SIPA1L1: variants seen among roughly 807,000 people sequenced by gnomAD.
SIPA1L1 encodes the protein signal induced proliferation associated 1 like 1.
Under a neutral mutation model 162.7 loss-of-function variants are expected in SIPA1L1, and 26 were observed. That is an observed-to-expected ratio of 0.16 (90% CI 0.12 to 0.22). SIPA1L1 has a LOEUF of 0.22. Ranked by LOEUF, SIPA1L1 falls within the 10% of genes least tolerant of loss-of-function variation. The pLI, the probability that SIPA1L1 is intolerant of heterozygous loss-of-function variation, is 1.00. For synonymous variants in SIPA1L1, 829 were observed against 837.4 expected (o/e 0.99, Z 0.17); for missense variants, 1,874 against 2,241.0 (o/e 0.84, Z 3.31).
intron 2 of SIPA1L1, among the ~76,000 whole-genome samples, chr14:71,492,887 A>G (rs940602803): frequency 9.2e-5 from 14 of 151,988 alleles, no homozygotes; most frequent in African/African-American, 3.1e-4. Flanking sequence ...TGGCCTCCCA[A>G]AGTGCTGGGA....
intron 7 of SIPA1L1, among the ~76,000 whole-genome samples, chr14:71,634,012 T>G (rs2040858551): frequency 6.8e-6 from 1 of 146,138 alleles, no homozygotes; most frequent in African/African-American, 2.5e-5. Context: ...TCCAAAGAAG[T>G]CCACAGCAAG....
At chr14:71,654,773 CCTT>C (rs2149142385) in intron 8 of SIPA1L1, among the ~76,000 whole-genome samples, 1 of 152,290 alleles carries the variant, frequency 6.6e-6, no homozygotes, top group East Asian at 1.9e-4. Flanking sequence ...CTTTCATCCT[CCTT>C]CTACAAGCAC....
At chr14:71,359,450 T>C (rs1413949796) in intron 2 of SIPA1L1, among the ~76,000 whole-genome samples, 1 of 152,214 alleles carries the variant, frequency 6.6e-6, no homozygotes, top group Non-Finnish European at 1.5e-5. Flanking sequence ...ATAATTTGTC[T>C]ATTATGGTTT....
intron 13 of SIPA1L1, among the ~76,000 whole-genome samples, chr14:71,685,843 C>G (rs1369360396): frequency 6.6e-6 from 1 of 152,198 alleles, no homozygotes; most frequent in East Asian, 1.9e-4. Context: ...CAGCTCTGCA[C>G]ACTGGTATTT....
intron 2 of SIPA1L1, among the ~76,000 whole-genome samples, chr14:71,410,728 G>T (rs2042344899): frequency 6.6e-6 from 1 of 152,108 alleles, no homozygotes. Flanking sequence ...GATGAAGATG[G>T]TTCTAGTTCA....
intron 4 of SIPA1L1, among the ~76,000 whole-genome samples, chr14:71,585,831 A>G (rs1567246423): frequency 6.6e-6 from 1 of 152,196 alleles, no homozygotes; most frequent in Non-Finnish European, 1.5e-5. Flanking sequence ...GAGATGTTGA[A>G]CAGGTGTTTG....
At position 71,724,652 on chromosome 14, in the gene SIPA1L1, CT is replaced by C. The variant is rs759617709; in HGVS notation, c.4449-16del. On this transcript the variant is annotated splice_polypyrimidine_tract_variant and intron_variant, in intron 18 of 23. Transcript: ENST00000381232. ...CTTGTTGAGTTGGTATCTATCATCT[CT>C]TCCCTTTTTTGTCCAGGCGTCATCA... The C allele has an allele frequency of 1.2e-5, 19 of 1,606,488 alleles. No homozygotes were observed. Among genetic ancestry groups the C allele is most frequent in the Admixed American group, 5.2e-5 (3 of 58,236 alleles).
intron 16 of SIPA1L1, among the ~76,000 whole-genome samples, chr14:71,705,699 G>A (rs977208885): frequency 6.6e-6 from 1 of 151,806 alleles, no homozygotes; most frequent in Non-Finnish European, 1.5e-5. Flanking sequence ...AGCCATGAGA[G>A]GGCTCCAGCA....
chr14:71,708,076 A>G (rs2082604696), intron 16 of SIPA1L1, among the ~76,000 whole-genome samples: 1 of 92,528 alleles, frequency 1.1e-5, no homozygotes, highest in South Asian at 3.1e-4. Context: ...TCATTTGCCC[A>G]TTGTTTAATT....
At chr14:71,530,853 T>G (rs2053375951) in intron 4 of SIPA1L1, among the ~76,000 whole-genome samples, 1 of 152,226 alleles carries the variant, frequency 6.6e-6, no homozygotes, top group Non-Finnish European at 1.5e-5. Context: ...ATGTAGATGC[T>G]ATGTGCATTT....
intron 2 of SIPA1L1, among the ~76,000 whole-genome samples, chr14:71,457,306 T>C (rs980925629): frequency 1.3e-5 from 2 of 151,978 alleles, no homozygotes; most frequent in Admixed American, 6.6e-5. Flanking sequence ...TGAACATTTT[T>C]TTTTTTTTTT....
intron 6 of SIPA1L1, among the ~76,000 whole-genome samples, chr14:71,621,559 G>A (rs1472833113): frequency 6.6e-6 from 1 of 152,172 alleles, no homozygotes; most frequent in African/African-American, 2.4e-5. Context: ...CTTGACCGCT[G>A]AATCTAAAAT....
chr14:71,498,826 A>T (rs1185497309), intron 2 of SIPA1L1, among the ~76,000 whole-genome samples: 1 of 152,192 alleles, frequency 6.6e-6, no homozygotes, highest in Non-Finnish European at 1.5e-5. Context: ...ACTGTTTGTG[A>T]CTAGTCAGGA....
chr14:71,451,987 T>G (rs1042305375), intron 2 of SIPA1L1, among the ~76,000 whole-genome samples: 3 of 152,230 alleles, frequency 2.0e-5, no homozygotes, highest in Non-Finnish European at 4.4e-5. Context: ...TGTATATTTT[T>G]GCTTATATAA....
chr14:71,362,056 G>A (rs1002299812), intron 2 of SIPA1L1, among the ~76,000 whole-genome samples: 2 of 152,192 alleles, frequency 1.3e-5, no homozygotes, highest in Non-Finnish European at 2.9e-5. Flanking sequence ...GTTCACATGT[G>A]GTCTCTGTTG....
intron 2 of SIPA1L1, among the ~76,000 whole-genome samples, chr14:71,374,706 T>TG (rs1447323296): frequency 6.6e-6 from 1 of 151,436 alleles, no homozygotes; most frequent in Non-Finnish European, 1.5e-5. Flanking sequence ...TTTTTTTTTT[T>TG]TTTTGCTGTT....
chr14:71,637,508 T>A (rs956245205), intron 7 of SIPA1L1, among the ~76,000 whole-genome samples: 2 of 152,022 alleles, frequency 1.3e-5, no homozygotes, highest in African/African-American at 4.8e-5. Context: ...GGTGGGAGGA[T>A]CATTTGAGGC....
At chr14:71,502,460 A>G (rs2050340275) in intron 2 of SIPA1L1, among the ~76,000 whole-genome samples, 1 of 151,520 alleles carries the variant, frequency 6.6e-6, no homozygotes, top group South Asian at 2.1e-4. Flanking sequence ...TATGTTGGCC[A>G]GGCTGGTTTC....
Position 71,573,712 on chromosome 14 carries a change from GT to G in SIPA1L1, c.-302-13852del, listed in dbSNP as rs1160208188. 2.2e-5 allele frequency: 10 copies of G among 456,534 alleles called. No homozygotes were observed. The Middle Eastern group carries it at 9.7e-4, about 44-fold the overall frequency. The allele number at this position is 456,534 out of a possible 1,614,324, so 28.3% of individuals were successfully genotyped here. A position where few individuals can be genotyped will look rare whatever the true frequency, so the allele number is the denominator to read the frequency against. On this transcript the variant is annotated intron_variant, in intron 4 of 23. Transcript: ENST00000381232. ...ATATTTTCTGGCTTACCTGCCAATG[GT>G]TTTTTTCTCCCCCTAAAATGAAACA...
Sources: gnomAD v4.1 joint callset for allele counts (sites outside exome capture counted in the v4.1 genomes callset) on GRCh38, gnomAD v4.1.1 for gene constraint, MANE v1.5 for transcripts, NCBI Gene and HGNC (gene_info 2026-07-23, HGNC 2026-07-21) for gene names.